Variants in GNAL observed in about 807,000 individuals in gnomAD.
GNAL encodes guanine nucleotide-binding protein G(olf) subunit alpha.
Under a neutral mutation model 55.1 loss-of-function variants are expected in GNAL, and 18 were observed. The observed-to-expected ratio is 0.33, with a 90% CI of 0.23 to 0.48. GNAL has a LOEUF of 0.48. Ranked by LOEUF, GNAL falls within the 20% of genes least tolerant of loss-of-function variation. The pLI is 0.99. For synonymous variants in GNAL, 253 were observed against 237.0 expected, an observed-to-expected ratio of 1.07 and a Z score of -0.62; for missense variants, 412 against 614.1, an observed-to-expected ratio of 0.67 and a Z score of 3.48.
intron 1 of GNAL, among the ~76,000 whole-genome samples, chr18:11,733,287 G>A (rs1209837089): frequency 3.3e-5 from 5 of 152,334 alleles, no homozygotes; most frequent in South Asian, 2.1e-4. Flanking sequence ...TGAAGCTCCT[G>A]CTATATAAAA....
intron 4 of GNAL, among the ~76,000 whole-genome samples, chr18:11,801,468 G>A (rs1467438784): frequency 2.6e-5 from 4 of 152,236 alleles, no homozygotes; most frequent in African/African-American, 4.8e-5. Context: ...CAGGAGAATC[G>A]CTTGAACCCG....
intron 5 of GNAL, chr18:11,852,281 T>C: frequency 1.3e-6 from 1 of 785,576 alleles, no homozygotes; most frequent in East Asian, 2.7e-5. Flanking sequence ...TCAGTATTTC[T>C]GCACTCTTAG....
At position 11,751,603 on chromosome 18, in the gene GNAL, G is replaced by C. The variant is rs955745605; in HGVS notation, c.377-1250G>C. 10 of 985,502 alleles carry C rather than the reference G, an allele frequency of 1.0e-5. No individual in the cohort carries two copies. Among genetic ancestry groups the C allele is most frequent in the Non-Finnish European group, 1.1e-5 (9 of 829,968 alleles). The allele number at this position is 985,502 out of a possible 1,614,324, so 61.0% of individuals were successfully genotyped here. On this transcript the variant is annotated intron_variant, in intron 1 of 11. Transcript: ENST00000334049. This position sits in a 1 kb window ranked among gnomAD's most constrained non-coding sequence, Gnocchi z 4.5. ...AGCAGGGACGCGTCCGAGCCAACAC[G>C]GGGCGCGCGCCCAGACGCACTTTCC...
intron 9 of GNAL, among the ~76,000 whole-genome samples, chr18:11,869,055 C>G (rs1012649779): frequency 6.6e-6 from 1 of 152,162 alleles, no homozygotes; most frequent in African/African-American, 2.4e-5. Context: ...CACACACTCT[C>G]TTTACTGATA....
intron 1 of GNAL, among the ~76,000 whole-genome samples, chr18:11,706,945 ACCT>A (rs1450081914): frequency 1.3e-5 from 2 of 152,058 alleles, no homozygotes; most frequent in Admixed American, 6.5e-5. Flanking sequence ...TGCTATTTTG[ACCT>A]CCTCCAATGA....
At chr18:11,790,984 TCC>T (rs772652795) in intron 4 of GNAL, among the ~76,000 whole-genome samples, 86,357 of 151,952 alleles carry the variant, frequency 0.57, 27,706 homozygotes, top group Admixed American at 0.73. Flanking sequence ...TCAAAACTAT[TCC>T]AATACTTAAT....
chr18:11,696,438 G>C (rs1281165287), intron 1 of GNAL, among the ~76,000 whole-genome samples: 1 of 151,414 alleles, frequency 6.6e-6, no homozygotes, highest in Non-Finnish European at 1.5e-5. Flanking sequence ...CCGGAAGGCA[G>C]AGCTTGCAGT....
chr18:11,690,046 G>T, intron 1 of GNAL, 107 bp downstream of exon 1: 1 of 582,264 alleles, frequency 1.7e-6, no homozygotes. Context: ...GCGGCGGCGG[G>T]AGGGGCTCCT....
At chr18:11,839,848 G>A (rs995723760) in intron 5 of GNAL, among the ~76,000 whole-genome samples, 10 of 152,188 alleles carry the variant, frequency 6.6e-5, no homozygotes, top group African/African-American at 2.2e-4. Context: ...CTTCGTCCCA[G>A]TGAACAATAA....
chr18:11,731,098 A>G (rs2032329311), intron 1 of GNAL, among the ~76,000 whole-genome samples: 2 of 152,166 alleles, frequency 1.3e-5, no homozygotes, highest in Non-Finnish European at 2.9e-5. Flanking sequence ...AGAATGGGGT[A>G]TGAGGTGTGT....
At chr18:11,775,932 T>G (rs1333528355) in intron 4 of GNAL, among the ~76,000 whole-genome samples, 1 of 152,244 alleles carries the variant, frequency 6.6e-6, no homozygotes, top group African/African-American at 2.4e-5. Context: ...TTTGGATGGC[T>G]AGGCTCGCCA....
intron 4 of GNAL, among the ~76,000 whole-genome samples, chr18:11,823,354 T>A (rs558079232): frequency 1.3e-5 from 2 of 152,268 alleles, no homozygotes; most frequent in Middle Eastern, 3.4e-3. Context: ...TTTTGTCAAC[T>A]GGGAACCATT....
At chr18:11,879,686 T>C (rs1383401739) in intron 11 of GNAL, among the ~76,000 whole-genome samples, 1 of 152,206 alleles carries the variant, frequency 6.6e-6, no homozygotes, top group Non-Finnish European at 1.5e-5. Context: ...GGGAACACAA[T>C]TTGGCCCTAA....
intron 1 of GNAL, among the ~76,000 whole-genome samples, chr18:11,717,738 A>G (rs2032007262): frequency 6.6e-6 from 1 of 152,224 alleles, no homozygotes; most frequent in Non-Finnish European, 1.5e-5. Flanking sequence ...TGGGAGATAA[A>G]TGATGAGAAC....
At chr18:11,835,658 T>C (rs2035482955) in intron 5 of GNAL, among the ~76,000 whole-genome samples, 1 of 152,176 alleles carries the variant, frequency 6.6e-6, no homozygotes, top group Non-Finnish European at 1.5e-5. Flanking sequence ...ATAAATTACA[T>C]AGTAGCACAG....
chr18:11,770,879 C>T (rs565556377), intron 4 of GNAL, among the ~76,000 whole-genome samples: 1 of 152,116 alleles, frequency 6.6e-6, no homozygotes, highest in African/African-American at 2.4e-5. Flanking sequence ...AATCACGTGG[C>T]ATCAGCTGAC....
intron 4 of GNAL, among the ~76,000 whole-genome samples, chr18:11,816,179 C>G (rs932921180): frequency 3.3e-5 from 5 of 152,218 alleles, no homozygotes; most frequent in African/African-American, 1.2e-4. Flanking sequence ...GTCCTAGTAG[C>G]ACTATTCACA....
chr18:11,749,728 C>T (rs761500146), intron 1 of GNAL, among the ~76,000 whole-genome samples: 4 of 152,128 alleles, frequency 2.6e-5, no homozygotes, highest in Non-Finnish European at 4.4e-5. Flanking sequence ...TGGCCTAACC[C>T]CCAATGTGAG....
intron 4 of GNAL, among the ~76,000 whole-genome samples, chr18:11,796,575 C>CAA (rs760136358): frequency 0.078 from 4,573 of 58,526 alleles, 543 homozygotes; most frequent in African/African-American, 0.19. Context: ...CTCCTTCTCA[C>CAA]AAAAAAAAAA....
Sources: allele counts gnomAD v4.1 joint callset (sites outside exome capture counted in the v4.1 genomes callset), GRCh38; gene constraint gnomAD v4.1.1; non-coding constraint Gnocchi (gnomAD v3.1); transcripts MANE v1.5; gene names NCBI Gene and HGNC (gene_info 2026-07-23, HGNC 2026-07-21).